ELP4: variants seen among roughly 807,000 people sequenced by gnomAD.
ELP4 encodes the protein elongator complex protein 4.
In ELP4, 51 loss-of-function variants were observed where a neutral mutation model predicts 48.9. That is an observed-to-expected ratio of 1.04 (90% CI 0.83 to 1.32). The LOEUF (loss-of-function observed/expected upper bound fraction) is 1.32. Among genes scored for constraint, ELP4 ranks in the 40% most tolerant of loss-of-function variants. ELP4 has a pLI of 0.00. For synonymous variants in ELP4, 210 were observed against 189.2 expected, an observed-to-expected ratio of 1.11 and a Z score of -0.90; for missense variants, 519 against 514.6, an observed-to-expected ratio of 1.01 and a Z score of -0.08.
chr11:31,719,110 T>C (rs1012292415), intron 9 of ELP4, among the ~76,000 whole-genome samples: 2 of 151,908 alleles, frequency 1.3e-5, no homozygotes, highest in Non-Finnish European at 1.5e-5. Flanking sequence ...AATTTAAAAA[T>C]TAGCCAGGTG....
intron 9 of ELP4, among the ~76,000 whole-genome samples, chr11:31,676,447 A>G (rs1310904736): frequency 2.6e-5 from 4 of 152,152 alleles, no homozygotes; most frequent in East Asian, 3.8e-4. Flanking sequence ...ATCTTCCTGT[A>G]CTAGGATGTA....
intron 3 of ELP4, among the ~76,000 whole-genome samples, chr11:31,544,108 G>T (rs902834936): frequency 9.2e-5 from 14 of 152,228 alleles, no homozygotes; most frequent in Non-Finnish European, 1.9e-4. Flanking sequence ...TCCATCTGAG[G>T]TACCAGGTTC....
rs549840641 is a variant in ELP4 at position 31,510,080 on chromosome 11, T to G, written c.223+73T>G. The G allele has an allele frequency of 3.0e-5, 42 of 1,391,454 alleles. No homozygotes were observed. The South Asian group carries it at 4.7e-4, about 16-fold the overall frequency. The allele number at this position is 1,391,454 out of a possible 1,614,324, so 86.2% of individuals were successfully genotyped here. On this transcript the variant is annotated intron_variant, in intron 1 of 9. Coordinates refer to ENST00000640961, the MANE Select transcript of ELP4 (RefSeq NM_019040.5). Reference sequence around the variant, plus strand: ...AGGGGACCTGTCGGGGAAGCCACTTTGACCCCACATCTCTTTCTGACCCCT... The same window carrying G: ...AGGGGACCTGTCGGGGAAGCCACTTGGACCCCACATCTCTTTCTGACCCCT...
At chr11:31,608,580 T>C (rs1042682680) in intron 5 of ELP4, among the ~76,000 whole-genome samples, 1 of 143,244 alleles carries the variant, frequency 7.0e-6, no homozygotes, top group Non-Finnish European at 1.5e-5. Flanking sequence ...GAGAGGTGGG[T>C]AGCGGGTGCT....
intron 9 of ELP4, among the ~76,000 whole-genome samples, chr11:31,704,920 A>T (rs1946599220): frequency 6.6e-6 from 1 of 151,686 alleles, no homozygotes; most frequent in Admixed American, 6.6e-5. Context: ...CTGAAGCAGG[A>T]GAATCGCTTG....
intron 4 of ELP4, 42 bp from the exon 5 acceptor site, chr11:31,603,726 A>G: frequency 1.3e-6 from 2 of 1,576,706 alleles, no homozygotes; most frequent in Non-Finnish European, 1.7e-6. Flanking sequence ...TTATAGCTTA[A>G]AAATAATTGT....
chr11:31,722,556 T>C (rs1946986608), intron 9 of ELP4, among the ~76,000 whole-genome samples: 1 of 152,196 alleles, frequency 6.6e-6, no homozygotes, highest in African/African-American at 2.4e-5. Context: ...TACATAGTTT[T>C]CAGGGCCCAG....
intron 9 of ELP4, among the ~76,000 whole-genome samples, chr11:31,686,555 G>A (rs1946165597): frequency 6.6e-6 from 1 of 152,082 alleles, no homozygotes; most frequent in Admixed American, 6.5e-5. Flanking sequence ...AGTATTTTAT[G>A]CAGAGATTAC....
intron 6 of ELP4, 36 bp downstream of exon 6, chr11:31,627,230 A>C (rs754603056): frequency 6.3e-6 from 2 of 316,626 alleles, no homozygotes; most frequent in South Asian, 4.2e-5. Flanking sequence ...ATAATTATTT[A>C]TATAATGTTG....
intron 9 of ELP4, among the ~76,000 whole-genome samples, chr11:31,759,321 T>C (rs1947897160): frequency 6.6e-6 from 1 of 152,220 alleles, no homozygotes; most frequent in South Asian, 2.1e-4. Context: ...GTGCCTTAAA[T>C]GCCTATGTAT....
rs541561813 is a variant in ELP4 at position 31,538,089 on chromosome 11, C to A, written c.260-1573C>A. On this transcript the variant is annotated intron_variant, in intron 2 of 9. Coordinates refer to ENST00000640961, the MANE Select transcript of ELP4 (RefSeq NM_019040.5). Reference sequence around the variant, plus strand: ...CATACACATATTTCGTTAAATTTATCCAAAATATTTAATTGCAGGTGGGAT... The same window carrying A: ...CATACACATATTTCGTTAAATTTATACAAAATATTTAATTGCAGGTGGGAT... Among the ~76,000 whole-genome samples, 10 of 151,916 alleles carry A rather than the reference C, an allele frequency of 6.6e-5. No homozygotes were observed. The South Asian group carries it at 2.1e-3, about 32-fold the overall frequency.
At chr11:31,580,599 TCG>T (rs1169255808) in intron 3 of ELP4, 1 of 152,806 alleles carries the variant, frequency 6.5e-6, no homozygotes, top group Non-Finnish European at 1.5e-5. Context: ...TTGCTGTCTC[TCG>T]CACACGCTGT....
intron 9 of ELP4, among the ~76,000 whole-genome samples, chr11:31,736,363 C>G (rs150145046): frequency 0.018 from 2,787 of 152,158 alleles, 43 homozygotes; most frequent in Non-Finnish European, 0.028. Context: ...GACCTAAAAC[C>G]ATAAAAACCC....
At chr11:31,737,344 G>C (rs1276944182) in intron 9 of ELP4, among the ~76,000 whole-genome samples, 1 of 152,084 alleles carries the variant, frequency 6.6e-6, no homozygotes, top group African/African-American at 2.4e-5. Context: ...GGGAGGGATA[G>C]CATTAGGAGA....
intron 9 of ELP4, among the ~76,000 whole-genome samples, chr11:31,716,009 GGTTT>G (rs577865268): frequency 1.4e-4 from 22 of 152,006 alleles, no homozygotes; most frequent in Admixed American, 9.2e-4. Flanking sequence ...AGTACAAGGA[GGTTT>G]GTTTGTTTGT....
At chr11:31,751,212 T>C (rs1385830747) in intron 9 of ELP4, among the ~76,000 whole-genome samples, 1 of 152,244 alleles carries the variant, frequency 6.6e-6, no homozygotes, top group African/African-American at 2.4e-5. Context: ...TGGCACCAAT[T>C]TGTAAAGCTG....
At chr11:31,781,310 G>C (rs1948369211) in intron 9 of ELP4, among the ~76,000 whole-genome samples, 1 of 151,752 alleles carries the variant, frequency 6.6e-6, no homozygotes, top group South Asian at 2.1e-4. Flanking sequence ...ATGTATCCTG[G>C]TCATTTTTCT....
chr11:31,764,284 G>T (rs1948003187), intron 9 of ELP4, among the ~76,000 whole-genome samples: 1 of 152,172 alleles, frequency 6.6e-6, no homozygotes, highest in Non-Finnish European at 1.5e-5. Flanking sequence ...AGCTGTGTGT[G>T]CTTGAAGACA....
intron 9 of ELP4, among the ~76,000 whole-genome samples, chr11:31,746,117 G>A (rs1359979943): frequency 7.6e-6 from 1 of 131,838 alleles, no homozygotes; most frequent in Non-Finnish European, 1.5e-5. Flanking sequence ...CATTTATGCA[G>A]CCAAAAAACA....
Sources: allele counts gnomAD v4.1 joint callset (sites outside exome capture counted in the v4.1 genomes callset), GRCh38; gene constraint gnomAD v4.1.1; transcripts MANE v1.5; gene names NCBI Gene and HGNC (gene_info 2026-07-23, HGNC 2026-07-21).